PLCB1: variants seen among roughly 807,000 people sequenced by gnomAD.
The protein encoded by PLCB1 is 1-phosphatidylinositol 4,5-bisphosphate phosphodiesterase beta-1.
Under a neutral mutation model 161.8 loss-of-function variants are expected in PLCB1, and 46 were observed. The ratio of observed to expected loss-of-function variants is 0.28; its 90% CI spans 0.22 to 0.36. PLCB1 has a LOEUF of 0.36. Among genes scored for constraint, PLCB1 ranks in the 10% least tolerant of loss-of-function variants. PLCB1 has a pLI of 1.00. For missense variants in PLCB1, 1,016 were observed against 1,472.5 expected, an observed-to-expected ratio of 0.69 and a Z score of 5.07; for synonymous variants, 517 against 503.7, an observed-to-expected ratio of 1.03 and a Z score of -0.35.
chr20:8,269,084 T>G (rs1248607800), intron 2 of PLCB1, among the ~76,000 whole-genome samples: 1 of 151,878 alleles, frequency 6.6e-6, no homozygotes, highest in Non-Finnish European at 1.5e-5. Context: ...GAACTTTTTT[T>G]AAATAATTTT....
chr20:8,669,868 T>G (rs1434632753), intron 9 of PLCB1, among the ~76,000 whole-genome samples: 1 of 152,184 alleles, frequency 6.6e-6, no homozygotes, highest in Non-Finnish European at 1.5e-5. Context: ...ATGGAAGAGA[T>G]GTAAATAAAG....
At chr20:8,802,728 G>C (rs147857514) in intron 31 of PLCB1, among the ~76,000 whole-genome samples, 14 of 152,266 alleles carry the variant, frequency 9.2e-5, no homozygotes, top group Non-Finnish European at 2.1e-4. Flanking sequence ...GTGATTTCCT[G>C]ATTCTCTAGA....
At chr20:8,840,664 G>A (rs1986467353) in intron 31 of PLCB1, among the ~76,000 whole-genome samples, 2 of 152,242 alleles carry the variant, frequency 1.3e-5, no homozygotes, top group South Asian at 4.2e-4. Flanking sequence ...GCCATAAGAG[G>A]AAATTCAACA....
Position 8,546,045 on chromosome 20 carries a change from GGTGGCTCATGCCT to G in PLCB1, c.247-82246_247-82234del, listed in dbSNP as rs369575883. ...GAAACTGAAATTCTTGGCTGGGCGC[GGTGGCTCATGCCT>G]GTAATCCCAGCACTTTGGGAGGCCG... On this transcript the variant is annotated intron_variant, in intron 3 of 31. Coordinates refer to ENST00000338037, the MANE Select transcript of PLCB1 (RefSeq NM_015192.4). Among the ~76,000 whole-genome samples, 5 of 152,162 alleles carry G rather than the reference GGTGGCTCATGCCT, an allele frequency of 3.3e-5. No individual in the cohort carries two copies. The East Asian group carries it at 9.7e-4, about 29-fold the overall frequency.
At chr20:8,188,204 G>A (rs757864076) in intron 2 of PLCB1, among the ~76,000 whole-genome samples, 14 of 152,056 alleles carry the variant, frequency 9.2e-5, no homozygotes, top group Non-Finnish European at 1.5e-4. Context: ...TTCATAGATG[G>A]CAAAATACAA....
At chr20:8,648,638 T>C (rs1180535092) in intron 6 of PLCB1, among the ~76,000 whole-genome samples, 1 of 152,206 alleles carries the variant, frequency 6.6e-6, no homozygotes, top group Non-Finnish European at 1.5e-5. Context: ...ACTAGAAAGC[T>C]TCTGCGAATA....
rs375028388 is a variant in PLCB1 at position 8,159,988 on chromosome 20, C to CAA, written c.177+9636_177+9637dup. Among the ~76,000 whole-genome samples the CAA allele has an allele frequency of 6.5e-3, 515 of 79,130 alleles. 6 individuals are homozygous for CAA. The highest frequency in any genetic ancestry group is 0.014 in the African/African-American group (320 of 22,762). 51.9% of individuals were successfully genotyped at this position (79,130 alleles called of 152,430 possible). A position where few individuals can be genotyped will look rare whatever the true frequency, so the allele number is the denominator to read the frequency against. The stretch of plus-strand genomic sequence containing the variant: ...GGGCAACAAGAGTGAAACTCCATCT[C>CAA]AAAAAAAAAAAAAAAAAAAAGAAAA... On this transcript the variant is annotated intron_variant, in intron 2 of 31. Transcript: ENST00000338037.
At chr20:8,827,893 A>G (rs1045128458) in intron 31 of PLCB1, among the ~76,000 whole-genome samples, 5 of 152,266 alleles carry the variant, frequency 3.3e-5, no homozygotes, top group Admixed American at 2.6e-4. Context: ...TGCATTGTCT[A>G]TGTGTTCACA....
chr20:8,394,045 T>G (rs1385365771), intron 3 of PLCB1, among the ~76,000 whole-genome samples: 4 of 152,178 alleles, frequency 2.6e-5, no homozygotes, highest in Admixed American at 6.5e-5. Context: ...CTAATTAATT[T>G]TTTTAATTTG....
chr20:8,685,498 C>T (rs956187221), intron 10 of PLCB1, among the ~76,000 whole-genome samples: 91 of 148,688 alleles, frequency 6.1e-4, no homozygotes, highest in African/African-American at 1.9e-3. Context: ...GCGAGGCGGG[C>T]GGATCACCTG....
chr20:8,762,817 T>C (rs1164559683), intron 25 of PLCB1, among the ~76,000 whole-genome samples: 1 of 152,174 alleles, frequency 6.6e-6, no homozygotes, highest in African/African-American at 2.4e-5. Context: ...TAACATAACT[T>C]ATTATTCTAG....
At chr20:8,426,949 G>A (rs574688591) in intron 3 of PLCB1, among the ~76,000 whole-genome samples, 14 of 152,210 alleles carry the variant, frequency 9.2e-5, no homozygotes, top group African/African-American at 1.7e-4. Context: ...ACAGAGTCTC[G>A]TTGTGTCACC....
At chr20:8,732,291 T>C (rs1035086363) in intron 18 of PLCB1, 2 of 152,078 alleles carry the variant, frequency 1.3e-5, no homozygotes, top group African/African-American at 4.8e-5. Context: ...CTCAAAAACA[T>C]GGCTTAGTAG....
chr20:8,240,980 G>A (rs1980580746), intron 2 of PLCB1, among the ~76,000 whole-genome samples: 1 of 151,916 alleles, frequency 6.6e-6, no homozygotes, highest in African/African-American at 2.4e-5. Flanking sequence ...CAAATTATGG[G>A]TTTTGGGAAA....
intron 3 of PLCB1, among the ~76,000 whole-genome samples, chr20:8,420,566 C>A (rs536768572): frequency 3.3e-5 from 5 of 152,218 alleles, no homozygotes; most frequent in African/African-American, 1.2e-4. Flanking sequence ...TTTACTGTTG[C>A]CATCTTTGTG....
intron 2 of PLCB1, among the ~76,000 whole-genome samples, chr20:8,226,761 C>T (rs1315994134): frequency 6.6e-6 from 1 of 151,428 alleles, no homozygotes; most frequent in Non-Finnish European, 1.5e-5. Flanking sequence ...AATCTCGGCT[C>T]ACTGCAACCT....
At chr20:8,318,447 G>GCC (rs56128549) in intron 2 of PLCB1, among the ~76,000 whole-genome samples, 347 of 149,438 alleles carry the variant, frequency 2.3e-3, no homozygotes, top group South Asian at 0.013. Context: ...AATAGAAATT[G>GCC]CCCCCCCCCT....
chr20:8,134,436 T>G (rs2051323852), intron 1 of PLCB1, among the ~76,000 whole-genome samples: 1 of 152,226 alleles, frequency 6.6e-6, no homozygotes, highest in Non-Finnish European at 1.5e-5. Context: ...TTTAAATAAT[T>G]CTCTATAATT....
chr20:8,855,044 T>C (rs928100128), intron 31 of PLCB1, among the ~76,000 whole-genome samples: 1 of 152,250 alleles, frequency 6.6e-6, no homozygotes, highest in Non-Finnish European at 1.5e-5. Flanking sequence ...TTAAAATTTC[T>C]CTCTGTTGCA....
Sources: allele counts gnomAD v4.1 joint callset (sites outside exome capture counted in the v4.1 genomes callset), GRCh38; gene constraint gnomAD v4.1.1; transcripts MANE v1.5; gene names NCBI Gene and HGNC (gene_info 2026-07-23, HGNC 2026-07-21).